The following FAM135A variants were observed in gnomAD, a reference collection of about 807,000 sequenced individuals.
FAM135A encodes the protein protein FAM135A.
FAM135A carries 79 observed loss-of-function variants against 146.8 expected under a neutral mutation model. That is an observed-to-expected ratio of 0.54 (90% CI 0.45 to 0.65). The LOEUF is 0.65. FAM135A is among the 30% of genes least tolerant of loss of function. The probability of loss-of-function intolerance (pLI) is 0.00; values close to 1 mark genes in which losing one functional copy is unlikely to be tolerated. For synonymous variants in FAM135A, 562 were observed against 603.6 expected, an observed-to-expected ratio of 0.93 and a Z score of 1.01; for missense variants, 1,623 against 1,758.2, an observed-to-expected ratio of 0.92 and a Z score of 1.38.
intron 5 of FAM135A, among the ~76,000 whole-genome samples, chr6:70,470,804 AAC>A (rs1181213228): frequency 6.6e-6 from 1 of 152,242 alleles, no homozygotes; most frequent in Non-Finnish European, 1.5e-5. Flanking sequence ...AGATGAATCA[AAC>A]ACACTAAATA....
intron 4 of FAM135A, among the ~76,000 whole-genome samples, chr6:70,450,766 A>G (rs1255151804): frequency 1.4e-5 from 1 of 73,920 alleles, no homozygotes; most frequent in Non-Finnish European, 2.6e-5. Context: ...TTTGAGTCAG[A>G]GTCTCACTCT....
At chr6:70,488,698 G>A (rs1243261626) in intron 10 of FAM135A, among the ~76,000 whole-genome samples, 1 of 151,896 alleles carries the variant, frequency 6.6e-6, no homozygotes, top group East Asian at 1.9e-4. Flanking sequence ...AAAAAGACTA[G>A]TATCTACATG....
chr6:70,464,147 T>C (rs1224412442), intron 5 of FAM135A, among the ~76,000 whole-genome samples: 1 of 152,220 alleles, frequency 6.6e-6, no homozygotes, highest in South Asian at 2.1e-4. Context: ...AAGATACCAG[T>C]GCTAACTTTT....
At chr6:70,493,848 T>C (rs1404415660) in intron 11 of FAM135A, among the ~76,000 whole-genome samples, 2 of 151,688 alleles carry the variant, frequency 1.3e-5, no homozygotes, top group African/African-American at 2.4e-5. Flanking sequence ...AGGTCAGGAG[T>C]TGGAGACCAG....
intron 13 of FAM135A, among the ~76,000 whole-genome samples, chr6:70,523,731 G>A (rs184881423): frequency 1.3e-4 from 20 of 152,170 alleles, no homozygotes; most frequent in African/African-American, 3.4e-4. Context: ...AATATAATGG[G>A]AATTACATAA....
chr6:70,447,523 C>T (rs555771549), intron 4 of FAM135A, among the ~76,000 whole-genome samples: 1 of 152,212 alleles, frequency 6.6e-6, no homozygotes. Context: ...AGGGGTTCCT[C>T]AGGCAGAAGG....
chr6:70,418,439 C>T (rs1768020331), intron 2 of FAM135A: 1 of 152,464 alleles, frequency 6.6e-6, no homozygotes, highest in Non-Finnish European at 1.5e-5. Flanking sequence ...AAGCGATTCT[C>T]CTGCCTCAGC....
chr6:70,442,618 A>G (rs1325619639), intron 4 of FAM135A, among the ~76,000 whole-genome samples: 1 of 152,168 alleles, frequency 6.6e-6, no homozygotes, highest in Admixed American at 6.5e-5. Flanking sequence ...ACACAAAGGT[A>G]GCATAGGATA....
chr6:70,483,290 A>G (rs1784067512), intron 10 of FAM135A, among the ~76,000 whole-genome samples: 1 of 152,220 alleles, frequency 6.6e-6, no homozygotes, highest in Non-Finnish European at 1.5e-5. Flanking sequence ...AGATATCACT[A>G]AATTGACTGT....
At chr6:70,462,576 T>A (rs1779635609) in intron 5 of FAM135A, among the ~76,000 whole-genome samples, 2 of 151,952 alleles carry the variant, frequency 1.3e-5, no homozygotes, top group Non-Finnish European at 2.9e-5. Context: ...TGATAGAAGC[T>A]TTACAACTAG....
chr6:70,556,907 G>T, intron 21 of FAM135A, 44 bp downstream of exon 21: 1 of 1,525,988 alleles, frequency 6.6e-7, no homozygotes. Context: ...GTATTAATGA[G>T]CTCTTTCCAA....
intron 5 of FAM135A, among the ~76,000 whole-genome samples, chr6:70,465,802 T>C (rs1640315112): frequency 1.3e-5 from 2 of 152,204 alleles, no homozygotes; most frequent in African/African-American, 2.4e-5. Context: ...CCATAAGTGC[T>C]GATCATGTTC....
Position 70,528,293 on chromosome 6 carries a change from T to G in FAM135A, c.3616T>G (p.Phe1206Val). 1.2e-6 allele frequency: 2 copies of G among 1,604,994 alleles called. No homozygotes were observed. Among genetic ancestry groups the G allele is most frequent in the Non-Finnish European group, 1.7e-6 (2 of 1,177,018 alleles). Residue 1206 changes from phenylalanine to valine, a missense_variant and splice_region_variant, in exon 16 of 22, where the codon TTC (phenylalanine) becomes GTC (valine). Coordinates refer to ENST00000418814, the MANE Select transcript of FAM135A (RefSeq NM_001162529.3). ...AGTATCTTTTGTATTTTGCTTCAGC[T>G]TCCTTCAGGCAAAAGAAGAACTGAA... ...ESSPKPQIQA[F>V]LQAKEELKLL...
chr6:70,494,422 G>A (rs1273377777), intron 11 of FAM135A, among the ~76,000 whole-genome samples: 2 of 151,818 alleles, frequency 1.3e-5, no homozygotes, highest in African/African-American at 4.8e-5. Flanking sequence ...CTGAGTCCAG[G>A]AAATGAGACT....
chr6:70,546,546 T>C (rs1798900909), intron 20 of FAM135A, among the ~76,000 whole-genome samples: 1 of 152,214 alleles, frequency 6.6e-6, no homozygotes, highest in South Asian at 2.1e-4. Flanking sequence ...TTCATTATTT[T>C]AAAATGAAGA....
chr6:70,537,973 T>A (rs1797092280), intron 19 of FAM135A, among the ~76,000 whole-genome samples: 1 of 152,210 alleles, frequency 6.6e-6, no homozygotes, highest in South Asian at 2.1e-4. Context: ...TTCTTCTTTA[T>A]CATTTGAACA....
In FAM135A at chr6:70,559,957, A is replaced by G; in HGVS notation, c.*36A>G. ...TTGTTAGCGACTGGACAATTACCTC[A>G]TTCAACAATGTTTCAAATAATGTAT... is the stretch of plus-strand genomic sequence containing the variant. On this transcript the variant is annotated 3_prime_UTR_variant, in exon 22 of 22. Transcript: ENST00000418814. 6.7e-7 allele frequency: 1 copy of G among 1,484,360 alleles called. No individual in the cohort carries two copies. The highest frequency in any genetic ancestry group is 9.3e-7 in the Non-Finnish European group (1 of 1,073,368). 91.9% of individuals were successfully genotyped at this position (1,484,360 alleles called of 1,614,324 possible).
chr6:70,458,283 C>T lies in FAM135A; in HGVS notation c.157+5712C>T, dbSNP rs191961995. Among the ~76,000 whole-genome samples, 350 of 152,118 alleles carry T rather than the reference C, an allele frequency of 2.3e-3. 3 individuals carry two copies. The highest frequency in any genetic ancestry group is 8.1e-3 in the African/African-American group (336 of 41,534). Reference sequence around the variant, plus strand: ...ATCTCTTTCACCCTTTTTTCTCATTCTCTTTCAAAATAGCAAATTTTACCT... The same window carrying T: ...ATCTCTTTCACCCTTTTTTCTCATTTTCTTTCAAAATAGCAAATTTTACCT... On this transcript the variant is annotated intron_variant, in intron 5 of 21. Transcript: ENST00000418814.
intron 16 of FAM135A, among the ~76,000 whole-genome samples, chr6:70,532,227 C>T (rs543387776): frequency 6.6e-6 from 1 of 152,164 alleles, no homozygotes; most frequent in African/African-American, 2.4e-5. Flanking sequence ...TCTGTTCAAA[C>T]ATGTTATAAC....
Sources: gnomAD v4.1 joint callset for allele counts (sites outside exome capture counted in the v4.1 genomes callset) on GRCh38, gnomAD v4.1.1 for gene constraint, MANE v1.5 for transcripts, NCBI Gene and HGNC (gene_info 2026-07-23, HGNC 2026-07-21) for gene names.